The following NPTN variants were observed in gnomAD, a reference collection of about 807,000 sequenced individuals.
The protein encoded by NPTN is neuroplastin.
A neutral mutation model predicts 42.7 loss-of-function variants in NPTN; 5 were observed. That is an observed-to-expected ratio of 0.12 (90% CI 0.06 to 0.25). The LOEUF (loss-of-function observed/expected upper bound fraction) is 0.25, where lower values mean the gene tolerates loss of function less well. Among genes scored for constraint, NPTN ranks in the 10% least tolerant of loss-of-function variants. The pLI is 1.00. For synonymous variants in NPTN, 180 were observed against 201.9 expected, an observed-to-expected ratio of 0.89 and a Z score of 0.92; for missense variants, 307 against 525.4, an observed-to-expected ratio of 0.58 and a Z score of 4.06.
At chr15:73,613,631 A>C (rs1378180197) in intron 1 of NPTN, among the ~76,000 whole-genome samples, 1 of 152,070 alleles carries the variant, frequency 6.6e-6, no homozygotes, top group East Asian at 1.9e-4. Flanking sequence ...ATTACCATAT[A>C]CTCTCTAATA....
chr15:73,569,172 G>A lies in NPTN; in HGVS notation c.1114+978C>T, dbSNP rs1895224084. The stretch of plus-strand genomic sequence containing the variant: ...TCTAGCCAGGGACAGACTAGTGGTG[G>A]TAACAGTCGGCCAATTAATTTCTGT... On this transcript the variant is annotated intron_variant, in intron 6 of 8. Coordinates refer to ENST00000345330, the MANE Select transcript of NPTN (RefSeq NM_012428.4). The surrounding 1 kb of genome is among the most constrained non-coding windows in gnomAD (Gnocchi z 4.1). 1.5e-5 allele frequency: 15 copies of A among 985,472 alleles called. No individual in the cohort carries two copies. The highest frequency in any genetic ancestry group is 1.7e-5 in the Non-Finnish European group (14 of 829,982). The allele number at this position is 985,472 out of a possible 1,614,324, so 61.0% of individuals were successfully genotyped here.
At chr15:73,568,258 G>C (rs1277176341) in intron 6 of NPTN, 9 of 985,466 alleles carry the variant, frequency 9.1e-6, no homozygotes, top group Middle Eastern at 5.2e-4. Context: ...CCTCTGCTGG[G>C]AACACGCTAG....
chr15:73,569,180 C>A lies in NPTN; in HGVS notation c.1114+970G>T. ...GGGACAGACTAGTGGTGGTAACAGT[C>A]GGCCAATTAATTTCTGTACGCCGGT... On this transcript the variant is annotated intron_variant, in intron 6 of 8. Coordinates refer to ENST00000345330, the MANE Select transcript of NPTN (RefSeq NM_012428.4). This position sits in a 1 kb window ranked among gnomAD's most constrained non-coding sequence, Gnocchi z 4.1. The A allele has an allele frequency of 1.0e-6, 1 of 985,426 alleles. No individual in the cohort carries two copies. Among genetic ancestry groups the A allele is most frequent in the Non-Finnish European group, 1.2e-6 (1 of 829,978 alleles). 61.0% of individuals were successfully genotyped at this position (985,426 alleles called of 1,614,324 possible).
chr15:73,626,598 T>C (rs914696678), intron 1 of NPTN, among the ~76,000 whole-genome samples: 40 of 152,208 alleles, frequency 2.6e-4, no homozygotes, highest in Non-Finnish European at 1.0e-4. Context: ...GCATAACAAT[T>C]TATATATGCA....
chr15:73,589,430 G>A (rs1896482356), intron 3 of NPTN, among the ~76,000 whole-genome samples: 1 of 152,054 alleles, frequency 6.6e-6, no homozygotes, highest in Non-Finnish European at 1.5e-5. Flanking sequence ...TTGCCCCCGA[G>A]GGTCAACTAC....
rs1013932847 is a variant in NPTN at position 73,560,969 on chromosome 15, TGAAAG to T, written c.*89_*93del. On this transcript the variant is annotated 3_prime_UTR_variant, in exon 9 of 9. Coordinates refer to ENST00000345330, the MANE Select transcript of NPTN (RefSeq NM_012428.4). ...GACAGTCATTGTGGTGTTGCTCACT[TGAAAG>T]GGGAGAGAACCAAAGAGGTCCAAGC... 1 of 152,518 alleles carries T rather than the reference TGAAAG, an allele frequency of 6.6e-6. No individual in the cohort carries two copies. The highest frequency in any genetic ancestry group is 2.4e-5 in the African/African-American group (1 of 41,398). 9.4% of individuals were successfully genotyped at this position (152,518 alleles called of 1,614,324 possible). A position where few individuals can be genotyped will look rare whatever the true frequency, so the allele number is the denominator to read the frequency against.
At chr15:73,590,671 A>T (rs1896546117) in intron 3 of NPTN, among the ~76,000 whole-genome samples, 1 of 151,362 alleles carries the variant, frequency 6.6e-6, no homozygotes, top group East Asian at 1.9e-4. Context: ...GCTACTGGGG[A>T]GGATGGCTTG....
intron 2 of NPTN, among the ~76,000 whole-genome samples, chr15:73,592,932 G>A (rs1179434830): frequency 6.6e-6 from 1 of 152,080 alleles, no homozygotes; most frequent in Non-Finnish European, 1.5e-5. Context: ...TTTAAGAGCT[G>A]GAAAAGTGAA....
At chr15:73,631,303 A>G (rs973700042) in intron 1 of NPTN, among the ~76,000 whole-genome samples, 12 of 152,244 alleles carry the variant, frequency 7.9e-5, no homozygotes, top group African/African-American at 2.2e-4. Context: ...CGAAAAACTG[A>G]TAAGACAAAT....
chr15:73,568,299 A>T lies in NPTN; in HGVS notation c.1114+1851T>A, dbSNP rs1208245161. ...TGCATCACTCTCACCAGTGGCAGCC[A>T]GCCTTGCCTTAAAATTTAAAAATCA... On this transcript the variant is annotated intron_variant, in intron 6 of 8. Transcript: ENST00000345330. 3 of 985,364 alleles carry T rather than the reference A, an allele frequency of 3.0e-6. No individual in the cohort carries two copies. In the African/African-American group the frequency reaches 5.2e-5, roughly 17 times the overall value. The allele number at this position is 985,364 out of a possible 1,614,324, so 61.0% of individuals were successfully genotyped here.
chr15:73,567,302 T>A, intron 6 of NPTN: 1 of 985,322 alleles, frequency 1.0e-6, no homozygotes, highest in Non-Finnish European at 1.2e-6. Context: ...TTTGGCAAAG[T>A]AGAAGTATGG....
chr15:73,631,969 A>G (rs748382238), intron 1 of NPTN, among the ~76,000 whole-genome samples: 2 of 151,282 alleles, frequency 1.3e-5, no homozygotes, highest in Non-Finnish European at 2.9e-5. Context: ...CTACTGTACC[A>G]CCTCCCAGGG....
intron 1 of NPTN, among the ~76,000 whole-genome samples, chr15:73,612,601 A>T (rs369963365): frequency 2.0e-5 from 3 of 151,978 alleles, no homozygotes; most frequent in East Asian, 1.9e-4. Flanking sequence ...CCCCGCCTCT[A>T]CTAAAAAAAA....
intron 6 of NPTN, chr15:73,565,770 C>T (rs1291826030): frequency 1.3e-5 from 6 of 456,314 alleles, no homozygotes; most frequent in South Asian, 3.1e-5. Flanking sequence ...GTGAAGTTAC[C>T]GGTGGAACTG....
chr15:73,594,661 C>T (rs993909346), intron 2 of NPTN, among the ~76,000 whole-genome samples: 3 of 152,094 alleles, frequency 2.0e-5, no homozygotes, highest in Non-Finnish European at 4.4e-5. Context: ...GAGAGATGAA[C>T]ATTTAGGAGA....
chr15:73,622,781 T>C (rs1010572081), intron 1 of NPTN, among the ~76,000 whole-genome samples: 4 of 152,252 alleles, frequency 2.6e-5, no homozygotes, highest in African/African-American at 9.6e-5. Context: ...GGCTGTCTTT[T>C]AAGTTCTAAC....
chr15:73,574,303 C>A (rs1443703294), intron 4 of NPTN, among the ~76,000 whole-genome samples: 1 of 152,160 alleles, frequency 6.6e-6, no homozygotes, highest in Non-Finnish European at 1.5e-5. Flanking sequence ...AGAAGCTACT[C>A]AATAAGTAAC....
In NPTN at chr15:73,571,612, C is replaced by T. The variant is rs553638508; in HGVS notation, c.841-1189G>A. Among the ~76,000 whole-genome samples the T allele has an allele frequency of 4.8e-3, 726 of 152,184 alleles. 3 individuals carry two copies. Among genetic ancestry groups the T allele is most frequent in the Non-Finnish European group, 6.6e-3 (451 of 68,004 alleles). ...GGGAGGAGCAGTGCAGGCAGGGATT[C>T]GCATGGGTGTGAAGGCAGAGGTGCA... On this transcript the variant is annotated intron_variant, in intron 5 of 8. Coordinates refer to ENST00000345330, the MANE Select transcript of NPTN (RefSeq NM_012428.4).
chr15:73,587,436 G>A, intron 4 of NPTN, 88 bp downstream of exon 4: 1 of 894,252 alleles, frequency 1.1e-6, no homozygotes, highest in Non-Finnish European at 1.8e-6. Flanking sequence ...ATGGAAAGAA[G>A]AGGAGCTTGA....
Sources: gnomAD v4.1 joint callset for allele counts (sites outside exome capture counted in the v4.1 genomes callset) on GRCh38, gnomAD v4.1.1 for gene constraint, Gnocchi (gnomAD v3.1) non-coding constraint, MANE v1.5 for transcripts, NCBI Gene and HGNC (gene_info 2026-07-23, HGNC 2026-07-21) for gene names.